The following CCDC171 variants were observed in gnomAD, a reference collection of about 807,000 sequenced individuals.
CCDC171 encodes coiled-coil domain-containing protein 171.
A neutral mutation model predicts 168.2 loss-of-function variants in CCDC171; 177 were observed. The ratio of observed to expected loss-of-function variants is 1.05; its 90% CI spans 0.93 to 1.19. CCDC171 has a LOEUF of 1.19. Among genes scored for constraint, CCDC171 ranks in the 50% most tolerant of loss-of-function variants. The pLI, the probability that CCDC171 is intolerant of heterozygous loss-of-function variation, is 0.00. For synonymous variants in CCDC171, 687 were observed against 540.8 expected (o/e 1.27, Z -3.75); for missense variants, 1,991 against 1,539.0 (o/e 1.29, Z -4.91).
chr9:15,635,679 G>C (rs1285797463), intron 7 of CCDC171, among the ~76,000 whole-genome samples: 1 of 152,156 alleles, frequency 6.6e-6, no homozygotes, highest in East Asian at 1.9e-4. Flanking sequence ...ATCCAATCAA[G>C]TTGACACTCG....
rs61341831 is a variant in CCDC171 at position 15,591,207 on chromosome 9, C to T, written c.353-159C>T. ...GACTGTGAGCTTTTCAAGAATTTAC[C>T]GGAATGGAAAGGTTTTCAAGAGTTT... On this transcript the variant is annotated intron_variant, in intron 4 of 25. Coordinates refer to ENST00000380701, the MANE Select transcript of CCDC171 (RefSeq NM_173550.4). Among the ~76,000 whole-genome samples the T allele has an allele frequency of 6.2e-3, 946 of 151,990 alleles. 8 individuals are homozygous for T. Among genetic ancestry groups the T allele is most frequent in the African/African-American group, 0.022 (916 of 41,428 alleles).
intron 3 of CCDC171, among the ~76,000 whole-genome samples, chr9:15,575,971 A>T (rs974429973): frequency 9.9e-5 from 15 of 152,032 alleles, no homozygotes; most frequent in African/African-American, 3.1e-4. Context: ...GCGCACCTAT[A>T]ATCCCAGCTA....
chr9:16,073,297 A>G, the CCDC171 span, among the ~76,000 whole-genome samples: 1 of 152,170 alleles, frequency 6.6e-6, no homozygotes, highest in African/African-American at 2.4e-5. Context: ...GTCCACAGAG[A>G]GACAATTTGG....
chr9:15,593,643 A>G (rs1471676146), intron 5 of CCDC171, among the ~76,000 whole-genome samples: 1 of 152,106 alleles, frequency 6.6e-6, no homozygotes, highest in Admixed American at 6.6e-5. Flanking sequence ...TTTCCATATT[A>G]AATGGAATCT....
intron 1 of CCDC171, among the ~76,000 whole-genome samples, chr9:15,561,982 C>T (rs2039337391): frequency 1.3e-5 from 2 of 151,948 alleles, no homozygotes; most frequent in South Asian, 4.1e-4. Context: ...ATGGGCAGTT[C>T]ACAGCATGAC....
chr9:15,922,315 G>T, intron 25 of CCDC171: 3 of 173,426 alleles, frequency 1.7e-5, no homozygotes, highest in East Asian at 1.4e-4. Context: ...TTGTGTGATG[G>T]TTTTTATTTT....
At chr9:15,709,592 G>C (rs7041844) in intron 11 of CCDC171, among the ~76,000 whole-genome samples, 5 of 152,090 alleles carry the variant, frequency 3.3e-5, no homozygotes, top group Admixed American at 3.3e-4. Flanking sequence ...AAAGATTGTA[G>C]CATGCCAGAT....
At chr9:16,042,305 T>A (rs1269894666), upstream of CCDC171, among the ~76,000 whole-genome samples, 1 of 152,148 alleles carries the variant, frequency 6.6e-6, no homozygotes, top group Non-Finnish European at 1.5e-5. Context: ...GAATGAGGCA[T>A]GAAAGAGAAA....
chr9:16,037,032 G>A (rs74410842), intron 8 of CCDC171, among the ~76,000 whole-genome samples: 2,342 of 152,204 alleles, frequency 0.015, 73 homozygotes, highest in South Asian at 0.1. Context: ...TGATGGTTAC[G>A]GATACAAAAT....
At chr9:15,623,460 CATA>C in intron 7 of CCDC171, 47 bp downstream of exon 7, 1 of 1,202,896 alleles carries the variant, frequency 8.3e-7, no homozygotes, top group Non-Finnish European at 1.2e-6. Flanking sequence ...CAAACTTTCA[CATA>C]TGCGCGCGCG....
intron 6 of CCDC171, among the ~76,000 whole-genome samples, chr9:16,025,782 T>G (rs1417294745): frequency 6.6e-6 from 1 of 152,090 alleles, no homozygotes; most frequent in East Asian, 1.9e-4. Flanking sequence ...GTTGCTGAGA[T>G]CTTAGGGAAG....
chr9:15,953,422 G>T (rs1080484), intron 25 of CCDC171, among the ~76,000 whole-genome samples: 137 of 152,168 alleles, frequency 9.0e-4, no homozygotes, highest in Non-Finnish European at 1.6e-3. Flanking sequence ...GCTTGTATGC[G>T]TGTATCGAGA....
At chr9:15,892,034 G>A (rs1820282567) in intron 24 of CCDC171, among the ~76,000 whole-genome samples, 1 of 152,026 alleles carries the variant, frequency 6.6e-6, no homozygotes, top group Non-Finnish European at 1.5e-5. Context: ...GCTTTTAAAA[G>A]GAAATAATCT....
At chr9:15,631,057 C>G (rs1244624307) in intron 7 of CCDC171, among the ~76,000 whole-genome samples, 2 of 151,838 alleles carry the variant, frequency 1.3e-5, no homozygotes, top group South Asian at 4.2e-4. Flanking sequence ...TAAATGCCCA[C>G]AAGAGAAAGC....
intron 24 of CCDC171, among the ~76,000 whole-genome samples, chr9:15,890,082 G>T (rs1819983442): frequency 6.6e-6 from 1 of 152,158 alleles, no homozygotes; most frequent in South Asian, 2.1e-4. Context: ...TTTGAATGTG[G>T]CTAACATCAT....
At chr9:16,000,261 C>A (rs2132945751) in intron 3 of CCDC171, among the ~76,000 whole-genome samples, 1 of 152,204 alleles carries the variant, frequency 6.6e-6, no homozygotes, top group South Asian at 2.1e-4. Flanking sequence ...AACTACAAAC[C>A]CAAAGCCTTT....
At chr9:16,091,266 C>T in the CCDC171 span, among the ~76,000 whole-genome samples, 2 of 152,096 alleles carry the variant, frequency 1.3e-5, no homozygotes, top group African/African-American at 2.4e-5. Flanking sequence ...CATTTTTTTC[C>T]AGTATCCTCT....
At chr9:15,794,198 C>T (rs1223305095) in intron 21 of CCDC171, among the ~76,000 whole-genome samples, 1 of 152,138 alleles carries the variant, frequency 6.6e-6, no homozygotes, top group East Asian at 1.9e-4. Context: ...GGCATAGTGG[C>T]TCACGTCTGT....
intron 18 of CCDC171, 62 bp from the exon 19 acceptor site, chr9:15,777,538 G>C: frequency 3.4e-6 from 3 of 885,974 alleles, no homozygotes; most frequent in Non-Finnish European, 5.4e-6. Flanking sequence ...GTGATTAGCA[G>C]TGTTGTGAAA....
Sources: allele counts gnomAD v4.1 joint callset (sites outside exome capture counted in the v4.1 genomes callset), GRCh38; gene constraint gnomAD v4.1.1; transcripts MANE v1.5; gene names NCBI Gene and HGNC (gene_info 2026-07-23, HGNC 2026-07-21).